Variants in NBPF9 observed in about 807,000 individuals in gnomAD.
The protein encoded by NBPF9 is NBPF member 9, also known as NBPF family member NBPF9.
In NBPF9, 91 loss-of-function variants were observed where a neutral mutation model predicts 97.8. The observed-to-expected ratio is 0.93, with a 90% CI of 0.79 to 1.11. The LOEUF is 1.11. NBPF9 is among the 50% of genes least tolerant of loss of function. The pLI is 0.00. For synonymous variants in NBPF9, 334 were observed against 359.5 expected, an observed-to-expected ratio of 0.93 and a Z score of 0.80; for missense variants, 992 against 939.5, an observed-to-expected ratio of 1.06 and a Z score of -0.73.
intron 13 of NBPF9, among the ~76,000 whole-genome samples, chr1:149,073,295 G>A (rs587771126): frequency 1.4e-5 from 2 of 142,228 alleles, no homozygotes; most frequent in South Asian, 2.4e-4. Flanking sequence ...TAGATACAAA[G>A]CCATGTACAG....
At chr1:149,082,347 C>T in exon 6 of NBPF9, 3 of 1,531,098 alleles carry the variant, frequency 2.0e-6, no homozygotes, top group Admixed American at 2.0e-5. Flanking sequence ...TTTGAGGTGC[C>T]TCAACTCAGA....
chr1:149,077,683 G>C (rs2080014114), intron 10 of NBPF9, among the ~76,000 whole-genome samples, 200 bp downstream of exon 10: 4 of 152,142 alleles, frequency 2.6e-5, no homozygotes, highest in South Asian at 4.2e-4. Flanking sequence ...AGCTATCCCT[G>C]TATGGTACAG....
chr1:149,067,399 T>A (rs1490257225), intron 17 of NBPF9, among the ~76,000 whole-genome samples: 1 of 131,450 alleles, frequency 7.6e-6, no homozygotes, highest in African/African-American at 2.9e-5. Flanking sequence ...CACATTGGTG[T>A]GCTTCACCCA....
rs4124925 is a variant in NBPF9 at position 149,072,221 on chromosome 1, G to A, written c.1306+497C>T. Among the ~76,000 whole-genome samples the A allele has an allele frequency of 9.2e-4, 140 of 151,652 alleles. No individual in the cohort carries two copies. In the Middle Eastern group the frequency reaches 0.01, roughly 11 times the overall value. ...AGTGCCTTCTCCAACATCACACGGCGAGGGCCTTCATCTCATTTTGGAAAG... is the reference window on the plus strand; with the variant it reads ...AGTGCCTTCTCCAACATCACACGGCAAGGGCCTTCATCTCATTTTGGAAAG... On this transcript the variant is annotated intron_variant, in intron 14 of 29. Coordinates refer to ENST00000584027, the Ensembl canonical transcript of NBPF9.
In NBPF9 at chr1:149,075,575, A is replaced by G. The variant is rs2079789837; in HGVS notation, c.988+80T>C. On this transcript the variant is annotated intron_variant, in intron 12 of 29. Transcript: ENST00000584027. ...TATGGGGAGGATGACATTATTTTTG[A>G]TGGAGAGAGCACTTAGTTCCTCAGA... 1.1e-5 allele frequency: 16 copies of G among 1,399,778 alleles called. 1 individual carries two copies. The highest frequency in any genetic ancestry group is 1.5e-5 in the Non-Finnish European group (15 of 986,458). 86.7% of individuals were successfully genotyped at this position (1,399,778 alleles called of 1,614,324 possible).
intron 3 of NBPF9, among the ~76,000 whole-genome samples, chr1:149,099,084 T>G (rs1176613445): frequency 6.6e-6 from 1 of 151,474 alleles, no homozygotes; most frequent in Non-Finnish European, 1.5e-5. Flanking sequence ...CCTGACTAAA[T>G]ACTTGAGTAG....
exon 10 of NBPF9, chr1:149,077,886 G>C (rs782813930): frequency 1.3e-6 from 2 of 1,566,864 alleles, no homozygotes. Context: ...GTGTTACCTG[G>C]GGGCAGATGA....
At chr1:149,086,162 G>A (rs2080981145) in intron 5 of NBPF9, among the ~76,000 whole-genome samples, 1 of 149,524 alleles carries the variant, frequency 6.7e-6, no homozygotes, top group Non-Finnish European at 1.5e-5. Flanking sequence ...CCGCGTTTGG[G>A]CTATTATGAA....
intron 1 of NBPF9, among the ~76,000 whole-genome samples, 165 bp downstream of exon 1, chr1:149,103,136 T>A (rs2082257260): frequency 6.6e-6 from 1 of 151,732 alleles, no homozygotes. Context: ...ATCGAACGCA[T>A]GGAACTTAAG....
intron 12 of NBPF9, 142 bp from the exon 13 acceptor site, chr1:149,074,012 A>G: frequency 1.7e-6 from 1 of 593,928 alleles, no homozygotes; most frequent in Admixed American, 3.0e-5. Flanking sequence ...CCACATCTTT[A>G]CTCTTCAGTC....
chr1:149,071,133 C>T, exon 16 of NBPF9: 1 of 1,569,716 alleles, frequency 6.4e-7, no homozygotes, highest in South Asian at 1.1e-5. Context: ...CAGCCTTCTG[C>T]ATCTCCCTGA....
In NBPF9 at chr1:149,063,744, A is replaced by T. The variant is rs1368081536; in HGVS notation, c.1915T>A (p.Cys639Ser). ...AGACAACCTGAAGGAGTTGAATAAC[A>T]TCTATCCAGTGAGTCCTGCAAGACT... The change falls in exon 20 of 30, where the codon TGT (cysteine) becomes AGT (serine). Residue 639 changes from cysteine (C) to serine (S), a missense_variant. Physicochemically the swap from Cys to Ser is moderately radical, Grantham distance 112. Coordinates refer to ENST00000584027, the Ensembl canonical transcript of NBPF9. 5.3e-5 allele frequency: 32 copies of T among 604,712 alleles called. No individual in the cohort carries two copies. In the African/African-American group the frequency reaches 5.9e-4, roughly 11 times the overall value. The allele number at this position is 604,712 out of a possible 1,614,324, so 37.5% of individuals were successfully genotyped here.
chr1:149,089,825 A>G (rs2081299479), intron 5 of NBPF9, among the ~76,000 whole-genome samples: 2 of 152,296 alleles, frequency 1.3e-5, no homozygotes, highest in African/African-American at 4.8e-5. Context: ...GGGCTGGTAC[A>G]GCCTCGCTCA....
Position 149,059,756 on chromosome 1 carries a change from C to T in NBPF9, c.2529G>A (p.Lys843=). The T allele has an allele frequency of 3.5e-6, 2 of 577,258 alleles. 1 individual carries two copies. Among genetic ancestry groups the T allele is most frequent in the Non-Finnish European group, 6.0e-6 (2 of 331,044 alleles). 35.8% of individuals were successfully genotyped at this position (577,258 alleles called of 1,614,324 possible). A position where few individuals can be genotyped will look rare whatever the true frequency, so the allele number is the denominator to read the frequency against. ...CTTCTTTTCTTCCCCTTCTTCTTTT[C>T]TTCTTTGATCTTCTTCCCCTTCTTT... The change falls in exon 25 of 30, where the codon AAG becomes AAA. Residue 843 remains lysine, a synonymous_variant. Transcript: ENST00000584027.
chr1:149,076,771 G>A (rs1285503479), intron 11 of NBPF9, among the ~76,000 whole-genome samples: 4 of 151,100 alleles, frequency 2.6e-5, no homozygotes, highest in South Asian at 4.2e-4. Context: ...GCCTCCCAAA[G>A]TGCTCGGATT....
At chr1:149,054,347 G>C (rs1553648214) in exon 30 of NBPF9, 2 of 121,340 alleles carry the variant, frequency 1.6e-5, no homozygotes, top group Admixed American at 8.4e-5. Context: ...AAAATGTTTA[G>C]AGGATGATCA....
At position 149,061,384 on chromosome 1, in the gene NBPF9, C is replaced by T; in HGVS notation, c.2252-1G>A. ...TCCTCTTCTTGGTCCTTTTTAATTC[C>T]TGCAATACATTCAGACAGGGACAGA... On this transcript the variant is annotated splice_acceptor_variant, in intron 22 of 29. Coordinates refer to ENST00000584027, the Ensembl canonical transcript of NBPF9. LOFTEE classifies it high-confidence loss of function. The T allele has an allele frequency of 2.6e-6, 1 of 387,210 alleles. No homozygotes were observed. The highest frequency in any genetic ancestry group is 2.5e-5 in the South Asian group (1 of 39,572). The allele number at this position is 387,210 out of a possible 1,614,324, so 24.0% of individuals were successfully genotyped here. A position where few individuals can be genotyped will look rare whatever the true frequency, so the allele number is the denominator to read the frequency against.
chr1:149,060,720 A>C, intron 23 of NBPF9, 25 bp from the exon 24 acceptor site: 1 of 354,318 alleles, frequency 2.8e-6, no homozygotes, highest in Admixed American at 5.2e-5. Context: ...AAAAGTAAAG[A>C]ATAAGCCAGG....
chr1:149,087,340 C>T lies in NBPF9; in HGVS notation c.-195+3413G>A, dbSNP rs1370166209. Among the ~76,000 whole-genome samples the T allele has an allele frequency of 4.0e-5, 6 of 149,708 alleles. No individual in the cohort carries two copies. The East Asian group carries it at 5.9e-4, about 15-fold the overall frequency. The stretch of plus-strand genomic sequence containing the variant: ...GTGAATATATATATATATACACACA[C>T]ACACACACACGTTTGTGTGTGTATG... On this transcript the variant is annotated intron_variant, in intron 5 of 29. Coordinates refer to ENST00000584027, the Ensembl canonical transcript of NBPF9.
Sources: allele counts gnomAD v4.1 joint callset (sites outside exome capture counted in the v4.1 genomes callset), GRCh38; gene constraint gnomAD v4.1.1; transcripts MANE v1.5; gene names NCBI Gene and HGNC (gene_info 2026-07-23, HGNC 2026-07-21).